Variants in CDKAL1 observed in about 807,000 individuals in gnomAD.
CDKAL1 encodes the protein CDKAL1 threonylcarbamoyladenosine tRNA methylthiotransferase, also known as threonylcarbamoyladenosine tRNA methylthiotransferase.
A neutral mutation model predicts 68.2 loss-of-function variants in CDKAL1; 32 were observed. That is an observed-to-expected ratio of 0.47 (90% CI 0.35 to 0.63). The LOEUF (loss-of-function observed/expected upper bound fraction) is 0.63. CDKAL1 is among the 30% of genes least tolerant of loss of function. The pLI is 0.00. For synonymous variants in CDKAL1, 234 were observed against 244.3 expected, an observed-to-expected ratio of 0.96 and a Z score of 0.39; for missense variants, 606 against 696.7, an observed-to-expected ratio of 0.87 and a Z score of 1.47.
chr6:20,789,155 G>C (rs1775795576), intron 8 of CDKAL1, among the ~76,000 whole-genome samples: 1 of 152,186 alleles, frequency 6.6e-6, no homozygotes, highest in Admixed American at 6.5e-5. Context: ...TATGGCAATT[G>C]TGAACTGCGT....
rs182523928 is a variant in CDKAL1, at chr6:20,935,280, T to C, written c.743-20139T>C. 1.1e-3 allele frequency among the ~76,000 whole-genome samples: 167 copies of C among 152,332 alleles called. 1 individual carries two copies. In the Middle Eastern group the frequency reaches 0.014, roughly 12 times the overall value. Reference sequence around the variant, plus strand: ...TAGCTTTGTAATTTATAATGAACTTTTAGCCTTCTCTAAGTGGAAATTATT... The same window carrying C: ...TAGCTTTGTAATTTATAATGAACTTCTAGCCTTCTCTAAGTGGAAATTATT... On this transcript the variant is annotated intron_variant, in intron 9 of 15. Transcript: ENST00000274695.
chr6:21,123,479 A>G lies in CDKAL1; in HGVS notation c.1299+15016A>G, dbSNP rs188836155. ...TCAAAACAAAACAAAACAAAAAAAC[A>G]GGAAAACTCTGAAGGTCTTTGAGTG... On this transcript the variant is annotated intron_variant, in intron 13 of 15. Transcript: ENST00000274695. 8.1e-4 allele frequency among the ~76,000 whole-genome samples: 124 copies of G among 152,282 alleles called. 3 individuals carry two copies. Among genetic ancestry groups the G allele is most frequent in the African/African-American group, 2.8e-3 (117 of 41,566 alleles).
At chr6:20,827,808 A>C (rs531160614) in intron 8 of CDKAL1, among the ~76,000 whole-genome samples, 2 of 151,870 alleles carry the variant, frequency 1.3e-5, no homozygotes, top group African/African-American at 4.8e-5. Context: ...TACCACTTAC[A>C]TTTTCTTAAG....
chr6:20,819,194 A>G (rs1290765919), intron 8 of CDKAL1, among the ~76,000 whole-genome samples: 2 of 150,362 alleles, frequency 1.3e-5, no homozygotes, highest in African/African-American at 4.9e-5. Flanking sequence ...TTTTCACTAT[A>G]AATAAGCTTA....
chr6:21,131,244 C>G (rs1204583248), intron 13 of CDKAL1, among the ~76,000 whole-genome samples: 1 of 152,160 alleles, frequency 6.6e-6, no homozygotes, highest in Non-Finnish European at 1.5e-5. Context: ...TGTTCAAAAT[C>G]TGGTTGGCTC....
intron 13 of CDKAL1, among the ~76,000 whole-genome samples, chr6:21,151,921 A>G (rs1776428391): frequency 6.6e-6 from 1 of 152,116 alleles, no homozygotes; most frequent in South Asian, 2.1e-4. Flanking sequence ...CCCCCAACAC[A>G]CACAATGATT....
At chr6:21,050,753 A>G (rs1274158816) in intron 11 of CDKAL1, among the ~76,000 whole-genome samples, 5 of 152,240 alleles carry the variant, frequency 3.3e-5, no homozygotes, top group Admixed American at 3.3e-4. Context: ...AGGAAGACAC[A>G]TTCTCAGTCC....
In CDKAL1 at chr6:21,005,823, G is replaced by A. The variant is rs115948378; in HGVS notation, c.1055+5451G>A. The stretch of plus-strand genomic sequence containing the variant: ...GTTCACTATACCCAGAGATTGCCCA[G>A]TGAAATACCACAGCTAATAAGCAAT... On this transcript the variant is annotated intron_variant, in intron 11 of 15. Transcript: ENST00000274695. Among the ~76,000 whole-genome samples the A allele has an allele frequency of 3.0e-3, 458 of 152,228 alleles. 2 individuals are homozygous for A. Among genetic ancestry groups the A allele is most frequent in the African/African-American group, 0.011 (438 of 41,530 alleles).
At chr6:20,720,896 A>T (rs1772319708) in intron 5 of CDKAL1, among the ~76,000 whole-genome samples, 1 of 152,246 alleles carries the variant, frequency 6.6e-6, no homozygotes, top group Non-Finnish European at 1.5e-5. Context: ...TTCACTTGAG[A>T]TAATGACCTC....
At chr6:20,605,012 T>G (rs1017393322) in intron 4 of CDKAL1, among the ~76,000 whole-genome samples, 69 of 152,314 alleles carry the variant, frequency 4.5e-4, no homozygotes, top group Non-Finnish European at 9.7e-4. Context: ...TGGGGCTGCT[T>G]CTTGGCCATT....
At chr6:20,543,881 C>T (rs9368200) in intron 2 of CDKAL1, among the ~76,000 whole-genome samples, 36,426 of 151,388 alleles carry the variant, frequency 0.24, 5,234 homozygotes, top group East Asian at 0.53. Flanking sequence ...GGATTACAGG[C>T]GTGCACCAAC....
At chr6:20,683,830 A>G (rs1770494324) in intron 5 of CDKAL1, among the ~76,000 whole-genome samples, 1 of 152,246 alleles carries the variant, frequency 6.6e-6, no homozygotes, top group East Asian at 1.9e-4. Flanking sequence ...ATTGTATCAT[A>G]CAGAGTAATT....
At chr6:20,889,399 G>T (rs1345967511) in intron 9 of CDKAL1, among the ~76,000 whole-genome samples, 13 of 151,956 alleles carry the variant, frequency 8.6e-5, no homozygotes, top group Non-Finnish European at 5.9e-5. Context: ...GTCAATTTTG[G>T]CTTTTGTTGC....
chr6:20,554,144 C>T (rs1013588066), intron 4 of CDKAL1, among the ~76,000 whole-genome samples: 4 of 152,210 alleles, frequency 2.6e-5, no homozygotes, highest in African/African-American at 4.8e-5. Flanking sequence ...ATTACAAAAT[C>T]GTGCCTGCTT....
At chr6:20,793,270 A>G (rs1278965334) in intron 8 of CDKAL1, among the ~76,000 whole-genome samples, 1 of 152,154 alleles carries the variant, frequency 6.6e-6, no homozygotes, top group Non-Finnish European at 1.5e-5. Flanking sequence ...TATTGGTCTT[A>G]TTTTTAAAAT....
At chr6:20,915,758 ATAGCAGCTT>A (rs1762695675) in intron 9 of CDKAL1, among the ~76,000 whole-genome samples, 2 of 152,188 alleles carry the variant, frequency 1.3e-5, no homozygotes, top group East Asian at 1.9e-4. Context: ...ATGAATGTTC[ATAGCAGCTT>A]TATTTGTAAT....
chr6:21,033,165 G>A lies in CDKAL1; in HGVS notation c.1056-31883G>A, dbSNP rs1457734316. Among the ~76,000 whole-genome samples, 3 of 152,046 alleles carry A rather than the reference G, an allele frequency of 2.0e-5. No homozygotes were observed. The South Asian group carries it at 6.2e-4, about 32-fold the overall frequency. On this transcript the variant is annotated intron_variant, in intron 11 of 15. Transcript: ENST00000274695. Reference sequence around the variant, plus strand: ...ATTAGGATGAATTCAGATTTTTGAGGGACTTAGAAGTTATGCCTGTTTGTT... The same window carrying A: ...ATTAGGATGAATTCAGATTTTTGAGAGACTTAGAAGTTATGCCTGTTTGTT...
At chr6:21,040,917 C>G (rs1369776769) in intron 11 of CDKAL1, among the ~76,000 whole-genome samples, 1 of 152,106 alleles carries the variant, frequency 6.6e-6, no homozygotes, top group Non-Finnish European at 1.5e-5. Flanking sequence ...ACTGATAAGA[C>G]TGCAGTTGCC....
intron 4 of CDKAL1, among the ~76,000 whole-genome samples, chr6:20,589,524 C>T (rs1383238610): frequency 6.6e-6 from 1 of 152,102 alleles, no homozygotes; most frequent in Non-Finnish European, 1.5e-5. Context: ...TCTCAAGTTT[C>T]CTTTGGTAGG....
Sources: allele counts gnomAD v4.1 joint callset (sites outside exome capture counted in the v4.1 genomes callset), GRCh38; gene constraint gnomAD v4.1.1; transcripts MANE v1.5; gene names NCBI Gene and HGNC (gene_info 2026-07-23, HGNC 2026-07-21).